The following MTHFSD variants were observed in gnomAD, a reference collection of about 807,000 sequenced individuals.
MTHFSD encodes the protein methenyltetrahydrofolate synthetase domain containing.
A neutral mutation model predicts 31.1 loss-of-function variants in MTHFSD; 37 were observed. That is an observed-to-expected ratio of 1.19 (90% CI 0.91 to 1.56). The LOEUF (loss-of-function observed/expected upper bound fraction) is 1.56, where lower values mean the gene tolerates loss of function less well. Ranked by LOEUF, MTHFSD falls within the 40% of genes most tolerant of loss-of-function variation. The pLI is 0.00. For missense variants in MTHFSD, 664 were observed against 510.1 expected, an observed-to-expected ratio of 1.30 and a Z score of -2.91; for synonymous variants, 221 against 206.9, an observed-to-expected ratio of 1.07 and a Z score of -0.59.
intron 5 of MTHFSD, among the ~76,000 whole-genome samples, chr16:86,544,812 C>T (rs1019101405): frequency 5.3e-5 from 8 of 152,196 alleles, no homozygotes; most frequent in African/African-American, 1.9e-4. Context: ...AACCCAAATG[C>T]TCATCAACGA....
intron 7 of MTHFSD, among the ~76,000 whole-genome samples, chr16:86,537,986 A>G (rs1226730166): frequency 6.6e-6 from 1 of 152,238 alleles, no homozygotes; most frequent in African/African-American, 2.4e-5. Flanking sequence ...TGAGGAGCAC[A>G]GGACGGGTGA....
At chr16:86,551,947 G>A in intron 3 of MTHFSD, 86 bp downstream of exon 3, 1 of 1,556,860 alleles carries the variant, frequency 6.4e-7, no homozygotes, top group Middle Eastern at 2.2e-4. Context: ...CTAAATGCAA[G>A]ACAGACGTGT....
At chr16:86,544,128 C>T (rs1045306838) in intron 5 of MTHFSD, among the ~76,000 whole-genome samples, 1 of 152,170 alleles carries the variant, frequency 6.6e-6, no homozygotes, top group East Asian at 1.9e-4. Context: ...AACTAAAGTA[C>T]ACAATAAATG....
In MTHFSD at chr16:86,544,858, A is replaced by G. The variant is rs567999762; in HGVS notation, c.442+1701T>C. Among the ~76,000 whole-genome samples, 388 of 152,370 alleles carry G rather than the reference A, an allele frequency of 2.5e-3. 2 individuals are homozygous for G. The highest frequency in any genetic ancestry group is 3.7e-3 in the Non-Finnish European group (252 of 68,038). On this transcript the variant is annotated intron_variant, in intron 5 of 7. Transcript: ENST00000360900. ...AAAGAAAATGTGGTACATATACACT[A>G]TGGAATACTATGCAGCCATAAAAAG...
Position 86,555,231 on chromosome 16 carries a change from G to A in MTHFSD, c.-47C>T, listed in dbSNP as rs1256211316. On this transcript the variant is annotated 5_prime_UTR_variant, in exon 1 of 8. In the 5' UTR this introduces an upstream ATG that the reference lacks. Transcript: ENST00000360900. ...CGCTTCCCGGCGCAGGTTCTGGCGC[G>A]TAGTGACGTCACCCGCTCCGCGCCT... 5.9e-6 allele frequency: 9 copies of A among 1,534,896 alleles called. No homozygotes were observed. The highest frequency in any genetic ancestry group is 7.9e-6 in the Non-Finnish European group (9 of 1,145,702).
chr16:86,535,655 C>T, intron 7 of MTHFSD: 1 of 309,544 alleles, frequency 3.2e-6, no homozygotes, highest in Non-Finnish European at 4.7e-6. Context: ...CATGCTAAGT[C>T]AAATACGAAT....
intron 7 of MTHFSD, chr16:86,540,706 T>C (rs1292232884): frequency 2.0e-6 from 2 of 988,664 alleles, no homozygotes; most frequent in Non-Finnish European, 1.2e-6. Flanking sequence ...GAAAGACTCT[T>C]AAGAAAGACA....
intron 7 of MTHFSD, among the ~76,000 whole-genome samples, chr16:86,535,006 C>A (rs553636289): frequency 2.6e-5 from 4 of 152,346 alleles, no homozygotes; most frequent in African/African-American, 9.6e-5. Context: ...TCAGGCGAGG[C>A]TTCACACTTG....
At chr16:86,547,080 G>C in intron 4 of MTHFSD, 1 of 811,102 alleles carries the variant, frequency 1.2e-6, no homozygotes, top group South Asian at 5.3e-5. Flanking sequence ...CCTCTGCCTC[G>C]TCGGACCAGT....
Position 86,530,685 on chromosome 16 carries a change from G to A in MTHFSD, c.*1326C>T, listed in dbSNP as rs1221842444. The A allele has an allele frequency of 1.3e-5, 2 of 152,142 alleles. No homozygotes were observed. The highest frequency in any genetic ancestry group is 2.1e-4 in the South Asian group (1 of 4,824). 9.4% of individuals were successfully genotyped at this position (152,142 alleles called of 1,614,324 possible). A position where few individuals can be genotyped will look rare whatever the true frequency, so the allele number is the denominator to read the frequency against. On this transcript the variant is annotated 3_prime_UTR_variant, in exon 8 of 8. Transcript: ENST00000360900. ...TAAAAAAAGAGAGAAAAGAAGGTGA[G>A]GAGTTCAGTGTAACCAGGTGACTAC...
chr16:86,532,565 G>C, intron 7 of MTHFSD, 84 bp from the exon 8 acceptor site: 1 of 1,141,558 alleles, frequency 8.8e-7, no homozygotes, highest in South Asian at 1.9e-5. Context: ...TCTGACTACT[G>C]GCTGTGCTGC....
chr16:86,552,146 C>T lies in MTHFSD; in HGVS notation c.124G>A (p.Gly42Arg). The T allele has an allele frequency of 6.2e-7, 1 of 1,614,158 alleles. No individual in the cohort carries two copies. Among genetic ancestry groups the T allele is most frequent in the Non-Finnish European group, 8.5e-7 (1 of 1,180,030 alleles). The change falls in exon 3 of 8, where the codon GGG becomes AGG. Residue 42 changes from glycine to arginine, a missense_variant and splice_region_variant. By Grantham distance (125) the Gly-to-Arg change is moderately radical. Transcript: ENST00000360900. The part of the protein sequence containing the change: ...PVHHRIPNFK[G>R]SYLACQNIKD... Reference sequence around the variant, plus strand: ...ATGTTTTGGCAAGCCAGATAAGACCCCTAGTTAGGCAAATAGACAGAGTTG... The same window carrying T: ...ATGTTTTGGCAAGCCAGATAAGACCTCTAGTTAGGCAAATAGACAGAGTTG...
rs555235137 is a variant in MTHFSD at position 86,545,835 on chromosome 16, C to A, written c.442+724G>T. Among the ~76,000 whole-genome samples the A allele has an allele frequency of 1.1e-3, 160 of 152,372 alleles. 3 individuals carry two copies. Among genetic ancestry groups the A allele is most frequent in the Middle Eastern group, 6.8e-3 (2 of 294 alleles). On this transcript the variant is annotated intron_variant, in intron 5 of 7. Coordinates refer to ENST00000360900, the MANE Select transcript of MTHFSD (RefSeq NM_001159377.2). The stretch of plus-strand genomic sequence containing the variant: ...GCAGGTATACCAGAACAGTGCGCTC[C>A]TGAGTCCCCAGCCCCGATGACACAG...
chr16:86,533,350 G>A (rs1382530736), intron 7 of MTHFSD: 2 of 152,166 alleles, frequency 1.3e-5, no homozygotes, highest in African/African-American at 2.4e-5. Flanking sequence ...CTGGACCACC[G>A]TGCCCTGTGC....
At chr16:86,544,165 G>A (rs908216201) in intron 5 of MTHFSD, among the ~76,000 whole-genome samples, 3 of 151,404 alleles carry the variant, frequency 2.0e-5, no homozygotes, top group African/African-American at 7.2e-5. Context: ...TCCTGAAACC[G>A]TCCCCTCCCT....
chr16:86,554,458 A>G (rs2143956853), intron 2 of MTHFSD, among the ~76,000 whole-genome samples, 187 bp downstream of exon 2: 1 of 152,330 alleles, frequency 6.6e-6, no homozygotes, highest in Admixed American at 6.5e-5. Flanking sequence ...AAGAGGCCCC[A>G]GGTGAAGAGT....
At chr16:86,541,920 C>A in intron 6 of MTHFSD, 98 bp from the exon 7 acceptor site, 1 of 1,528,286 alleles carries the variant, frequency 6.5e-7, no homozygotes, top group Non-Finnish European at 8.9e-7. Context: ...GCTAGAGAAG[C>A]ACCCCCAAAT....
At chr16:86,555,097 G>A (rs1351341365) in intron 1 of MTHFSD, 72 bp downstream of exon 1, 2 of 1,517,726 alleles carry the variant, frequency 1.3e-6, no homozygotes, top group East Asian at 2.5e-5. Context: ...CGGTGGCCCC[G>A]CCTCGACCCT....
At chr16:86,537,515 A>T (rs955682786) in intron 7 of MTHFSD, among the ~76,000 whole-genome samples, 1 of 152,190 alleles carries the variant, frequency 6.6e-6, no homozygotes, top group Non-Finnish European at 1.5e-5. Context: ...AAGGTAAATT[A>T]TCAGGTCAAA....
Sources: allele counts gnomAD v4.1 joint callset (sites outside exome capture counted in the v4.1 genomes callset), GRCh38; gene constraint gnomAD v4.1.1; transcripts MANE v1.5; gene names NCBI Gene and HGNC (gene_info 2026-07-23, HGNC 2026-07-21).